The following MBNL2 variants were observed in gnomAD, a reference collection of about 807,000 sequenced individuals.
MBNL2 encodes the protein muscleblind like splicing regulator 2.
A neutral mutation model predicts 41.9 loss-of-function variants in MBNL2; 17 were observed. The ratio of observed to expected loss-of-function variants is 0.41; its 90% CI spans 0.28 to 0.61. The LOEUF (loss-of-function observed/expected upper bound fraction) is 0.61. Among genes scored for constraint, MBNL2 ranks in the 20% least tolerant of loss-of-function variants. The probability of loss-of-function intolerance (pLI) is 0.35; values close to 1 mark genes in which losing one functional copy is unlikely to be tolerated. For missense variants in MBNL2, 336 were observed against 505.6 expected (o/e 0.66, Z 3.22); for synonymous variants, 195 against 182.9 (o/e 1.07, Z -0.53).
In MBNL2 at chr13:97,391,458, G is replaced by A. The variant is rs1389524945; in HGVS notation, c.*9G>A. 9.2e-7 allele frequency: 1 copy of A among 1,083,818 alleles called. No individual in the cohort carries two copies. The highest frequency in any genetic ancestry group is 1.4e-6 in the Non-Finnish European group (1 of 696,162). 67.1% of individuals were successfully genotyped at this position (1,083,818 alleles called of 1,614,324 possible). On this transcript the variant is annotated 3_prime_UTR_variant, in exon 9 of 9. Coordinates refer to ENST00000679496, the MANE Select transcript of MBNL2 (RefSeq NM_001382683.1). ...CACAAACTGCATGCTAAATAAAGAT[G>A]TAGTTCTTCTGGACAGACCACAACT...
At chr13:97,302,046 C>T (rs1182366783) in intron 2 of MBNL2, among the ~76,000 whole-genome samples, 2 of 152,170 alleles carry the variant, frequency 1.3e-5, no homozygotes, top group African/African-American at 2.4e-5. Flanking sequence ...GAGATTTCTG[C>T]AGCAATTCCT....
At chr13:97,372,215 C>T (rs1441376200) in intron 8 of MBNL2, among the ~76,000 whole-genome samples, 3 of 152,238 alleles carry the variant, frequency 2.0e-5, no homozygotes, top group South Asian at 2.1e-4. Flanking sequence ...TAGAAGCTAA[C>T]GAAATCAGAT....
At chr13:97,195,157 T>A in the MBNL2 span, among the ~76,000 whole-genome samples, 8 of 152,176 alleles carry the variant, frequency 5.3e-5, no homozygotes, top group Non-Finnish European at 1.2e-4. Context: ...TGCAGCCATA[T>A]CAATCTGGAG....
the MBNL2 span, among the ~76,000 whole-genome samples, chr13:97,182,221 A>G: frequency 6.6e-6 from 1 of 152,074 alleles, no homozygotes; most frequent in East Asian, 1.9e-4. Context: ...TATACTGATG[A>G]CTCATGCAAA....
At chr13:97,163,712 C>T in the MBNL2 span, among the ~76,000 whole-genome samples, 2 of 152,216 alleles carry the variant, frequency 1.3e-5, no homozygotes, top group Non-Finnish European at 2.9e-5. Flanking sequence ...ATTGTAATCT[C>T]CCTGCACACA....
the MBNL2 span, among the ~76,000 whole-genome samples, chr13:97,212,314 T>A: frequency 6.6e-6 from 1 of 152,052 alleles, no homozygotes; most frequent in Admixed American, 6.6e-5. Context: ...ACACACTCCC[T>A]CACCCCTACA....
At chr13:97,375,026 G>A (rs1329044806) in intron 8 of MBNL2, among the ~76,000 whole-genome samples, 2 of 152,148 alleles carry the variant, frequency 1.3e-5, no homozygotes, top group Non-Finnish European at 2.9e-5. Context: ...CTCTGCCCCC[G>A]ATGCCTACCT....
chr13:97,187,550 G>A, the MBNL2 span, among the ~76,000 whole-genome samples: 25 of 127,218 alleles, frequency 2.0e-4, no homozygotes, highest in South Asian at 7.8e-4. Flanking sequence ...AGCCAAACCT[G>A]TCTGTTGCCT....
chr13:97,353,532 G>T lies in MBNL2; in HGVS notation c.805-3264G>T, dbSNP rs1404333456. ...AGGGTGAAATTTTTATTATTGTCTG[G>T]AGATTTCCTGCTTATTTTGATTCAT... On this transcript the variant is annotated intron_variant, in intron 5 of 8. Transcript: ENST00000679496. Among the ~76,000 whole-genome samples, 22 of 152,122 alleles carry T rather than the reference G, an allele frequency of 1.4e-4. 1 individual carries two copies. The highest frequency in any genetic ancestry group is 1.4e-3 in the Admixed American group (22 of 15,260).
At chr13:97,227,853 C>T (rs2041870033) in intron 1 of MBNL2, among the ~76,000 whole-genome samples, 1 of 152,160 alleles carries the variant, frequency 6.6e-6, no homozygotes, top group South Asian at 2.1e-4. Context: ...GCTTTTTCAG[C>T]TCTGACTGCT....
chr13:97,352,126 G>A lies in MBNL2; in HGVS notation c.805-4670G>A, dbSNP rs934460567. Among the ~76,000 whole-genome samples the A allele has an allele frequency of 2.9e-4, 44 of 152,102 alleles. 1 individual carries two copies. Among genetic ancestry groups the A allele is most frequent in the Non-Finnish European group, 1.5e-5 (1 of 68,022 alleles). Reference sequence around the variant, plus strand: ...TGCTGTGGCTGGTTAGATCTGTCCAGCCCAATAAAATTTTTCCCACACTGG... The same window carrying A: ...TGCTGTGGCTGGTTAGATCTGTCCAACCCAATAAAATTTTTCCCACACTGG... On this transcript the variant is annotated intron_variant, in intron 5 of 8. Coordinates refer to ENST00000679496, the MANE Select transcript of MBNL2 (RefSeq NM_001382683.1).
At chr13:97,321,693 T>C (rs1309696666) in intron 2 of MBNL2, among the ~76,000 whole-genome samples, 2 of 152,108 alleles carry the variant, frequency 1.3e-5, no homozygotes. Context: ...AACAAGAATA[T>C]TGTGAAGGTC....
At chr13:97,169,982 C>T in the MBNL2 span, among the ~76,000 whole-genome samples, 5 of 152,262 alleles carry the variant, frequency 3.3e-5, no homozygotes, top group Admixed American at 1.3e-4. Context: ...AAAAGGATCT[C>T]GTCATCCTTT....
At chr13:97,376,888 G>A (rs983654149) in intron 8 of MBNL2, among the ~76,000 whole-genome samples, 3 of 152,290 alleles carry the variant, frequency 2.0e-5, no homozygotes, top group African/African-American at 7.2e-5. Flanking sequence ...GGGCAAAGTG[G>A]CTTACCCAAT....
At chr13:97,144,877 C>T in the MBNL2 span, among the ~76,000 whole-genome samples, 5 of 152,138 alleles carry the variant, frequency 3.3e-5, no homozygotes, top group Admixed American at 1.3e-4. Context: ...GCAAAGTATT[C>T]GGAAGGACCC....
At chr13:97,290,385 A>T (rs898854722) in intron 2 of MBNL2, among the ~76,000 whole-genome samples, 1 of 152,158 alleles carries the variant, frequency 6.6e-6, no homozygotes, top group Non-Finnish European at 1.5e-5. Flanking sequence ...CAGCAGAAAC[A>T]GCCCTCCTTG....
At chr13:97,330,138 A>G (rs2060308421) in intron 2 of MBNL2, among the ~76,000 whole-genome samples, 3 of 152,234 alleles carry the variant, frequency 2.0e-5, no homozygotes, top group South Asian at 4.1e-4. Context: ...CACATAGTAG[A>G]ATCTCAAGAA....
chr13:97,223,671 G>C (rs984594715), intron 1 of MBNL2, among the ~76,000 whole-genome samples: 5 of 152,112 alleles, frequency 3.3e-5, no homozygotes, highest in African/African-American at 1.2e-4. Context: ...TGTGTTTTGG[G>C]GACAATAAGG....
chr13:97,146,281 G>A, the MBNL2 span, among the ~76,000 whole-genome samples: 108 of 152,000 alleles, frequency 7.1e-4, no homozygotes, highest in African/African-American at 2.3e-3. Flanking sequence ...CATTACAGGC[G>A]TGAGCCATCG....
Sources: gnomAD v4.1 joint callset for allele counts (sites outside exome capture counted in the v4.1 genomes callset) on GRCh38, gnomAD v4.1.1 for gene constraint, MANE v1.5 for transcripts, NCBI Gene and HGNC (gene_info 2026-07-23, HGNC 2026-07-21) for gene names.